FHL5: variants seen among roughly 807,000 people sequenced by gnomAD.
FHL5 encodes four and a half LIM domains 5, also known as four and a half LIM domains protein 5.
FHL5 carries 33 observed loss-of-function variants against 32.0 expected under a neutral mutation model. That is an observed-to-expected ratio of 1.03 (90% CI 0.78 to 1.38). The LOEUF (loss-of-function observed/expected upper bound fraction) is 1.38. Ranked by LOEUF, FHL5 falls within the 40% of genes most tolerant of loss-of-function variation. The pLI, the probability that FHL5 is intolerant of heterozygous loss-of-function variation, is 0.00. For missense variants in FHL5, 336 were observed against 343.9 expected (o/e 0.98, Z 0.18); for synonymous variants, 114 against 113.6 (o/e 1.00, Z -0.02).
intron 1 of FHL5, among the ~76,000 whole-genome samples, chr6:96,573,527 AT>A (rs553599471): frequency 0.022 from 2,455 of 112,396 alleles, 26 homozygotes; most frequent in African/African-American, 0.065. Context: ...AAATATTCTA[AT>A]TTTTTTTTTT....
intron 1 of FHL5, among the ~76,000 whole-genome samples, chr6:96,582,115 G>A (rs367548358): frequency 5.3e-5 from 8 of 152,110 alleles, no homozygotes; most frequent in South Asian, 4.1e-4. Context: ...AACTATATTG[G>A]CTCTTCCAGA....
chr6:96,579,640 A>G (rs761812891), intron 1 of FHL5, among the ~76,000 whole-genome samples: 11 of 152,192 alleles, frequency 7.2e-5, no homozygotes, highest in East Asian at 1.9e-4. Context: ...GCCTAATACA[A>G]TGCTAATAAT....
chr6:96,597,503 C>A (rs1463647404), intron 1 of FHL5, among the ~76,000 whole-genome samples: 1 of 152,086 alleles, frequency 6.6e-6, no homozygotes, highest in Non-Finnish European at 1.5e-5. Context: ...TAAATTAATT[C>A]TCATAAGTCT....
intron 5 of FHL5, among the ~76,000 whole-genome samples, chr6:96,615,293 C>A (rs1562067438): frequency 6.6e-6 from 1 of 152,194 alleles, no homozygotes; most frequent in Non-Finnish European, 1.5e-5. Context: ...CTATGCTACA[C>A]TGTATTGTCT....
intron 5 of FHL5, 109 bp from the exon 6 acceptor site, chr6:96,615,500 C>A (rs559477284): frequency 4.9e-6 from 4 of 808,660 alleles, no homozygotes; most frequent in Admixed American, 3.3e-5. Flanking sequence ...TTTGCCTCTG[C>A]GTTGTTTTGC....
At chr6:96,581,046 C>G (rs1024320336) in intron 1 of FHL5, among the ~76,000 whole-genome samples, 1 of 151,914 alleles carries the variant, frequency 6.6e-6, no homozygotes, top group African/African-American at 2.4e-5. Context: ...CTTGATTCTC[C>G]CATATTTTAG....
At chr6:96,580,706 G>T (rs1420434782) in intron 1 of FHL5, among the ~76,000 whole-genome samples, 1 of 152,132 alleles carries the variant, frequency 6.6e-6, no homozygotes, top group Non-Finnish European at 1.5e-5. Context: ...GTTAGTCTTG[G>T]CATAATCTCA....
At chr6:96,584,435 A>ATGTG (rs141920939) in intron 1 of FHL5, among the ~76,000 whole-genome samples, 4,424 of 146,806 alleles carry the variant, frequency 0.03, 65 homozygotes, top group Non-Finnish European at 0.038. Flanking sequence ...CAGGTGGGAT[A>ATGTG]TGTGTGTGTG....
chr6:96,579,558 G>A (rs896991148), intron 1 of FHL5, among the ~76,000 whole-genome samples: 7 of 152,008 alleles, frequency 4.6e-5, no homozygotes, highest in Admixed American at 2.6e-4. Flanking sequence ...TCCAACATAC[G>A]AACTTGCAAG....
At chr6:96,574,953 T>C (rs993717654) in intron 1 of FHL5, among the ~76,000 whole-genome samples, 6 of 152,158 alleles carry the variant, frequency 3.9e-5, no homozygotes, top group Admixed American at 2.0e-4. Context: ...GCTAATAAAC[T>C]TTAAAGAGAA....
At chr6:96,613,734 T>C (rs1771460388) in intron 5 of FHL5, among the ~76,000 whole-genome samples, 1 of 152,252 alleles carries the variant, frequency 6.6e-6, no homozygotes. Context: ...GGCCCTGGCC[T>C]GTGCTTAAAT....
At chr6:96,608,303 T>A (rs773867471) in intron 4 of FHL5, among the ~76,000 whole-genome samples, 17 of 152,214 alleles carry the variant, frequency 1.1e-4, no homozygotes, top group Non-Finnish European at 2.4e-4. Flanking sequence ...ATTTAGGATA[T>A]GATTTGAAGT....
At chr6:96,565,289 T>G (rs1319145625) in intron 1 of FHL5, among the ~76,000 whole-genome samples, 1 of 152,176 alleles carries the variant, frequency 6.6e-6, no homozygotes, top group Non-Finnish European at 1.5e-5. Context: ...CTAGAGAGTC[T>G]CTTTGAAAAC....
chr6:96,568,963 C>T (rs904865658), intron 1 of FHL5, among the ~76,000 whole-genome samples: 1 of 151,206 alleles, frequency 6.6e-6, no homozygotes, highest in Non-Finnish European at 1.5e-5. Context: ...TTTATGTATG[C>T]TTTTCTTTCT....
In FHL5 at chr6:96,610,737, G is replaced by A. The variant is rs750458525; in HGVS notation, c.670G>A (p.Ala224Thr). The change falls in exon 5 of 6, where the codon GCC becomes ACC. Residue 224 changes from alanine to threonine, a missense_variant. By Grantham distance (58) the Ala-to-Thr change is moderately conservative. Coordinates refer to ENST00000450218, the MANE Select transcript of FHL5 (RefSeq NM_001322466.2). ...YNHLYANKCV[A>T]CSKPISGLTG... ...CCATCTTTATGCCAACAAGTGTGTA[G>A]CCTGTTCCAAACCCATTAGTGGTGA... The A allele has an allele frequency of 1.9e-6, 3 of 1,613,166 alleles. No individual in the cohort carries two copies. Among genetic ancestry groups the A allele is most frequent in the African/African-American group, 1.3e-5 (1 of 74,916 alleles).
intron 5 of FHL5, among the ~76,000 whole-genome samples, chr6:96,615,156 G>T (rs1360979844): frequency 6.6e-6 from 1 of 152,122 alleles, no homozygotes; most frequent in Non-Finnish European, 1.5e-5. Context: ...CATCAAACTA[G>T]GAAGCATACA....
At chr6:96,566,884 T>C (rs1431494558) in intron 1 of FHL5, among the ~76,000 whole-genome samples, 1 of 152,024 alleles carries the variant, frequency 6.6e-6, no homozygotes, top group Non-Finnish European at 1.5e-5. Context: ...ATTATGAATA[T>C]TAAACTCTTG....
chr6:96,573,168 C>T lies in FHL5; in HGVS notation c.-13+9813C>T, dbSNP rs558620454. Among the ~76,000 whole-genome samples, 3 of 152,130 alleles carry T rather than the reference C, an allele frequency of 2.0e-5. No individual in the cohort carries two copies. The East Asian group carries it at 5.8e-4, about 29-fold the overall frequency. Reference sequence around the variant, plus strand: ...TCAGTTAGATCAAGCCAATATAAACCTACTGAAAAAGTCAAGGTGTTCAAT... The same window carrying T: ...TCAGTTAGATCAAGCCAATATAAACTTACTGAAAAAGTCAAGGTGTTCAAT... On this transcript the variant is annotated intron_variant, in intron 1 of 5. Transcript: ENST00000450218.
At chr6:96,562,893 T>C (rs549637830), upstream of FHL5, among the ~76,000 whole-genome samples, 48 of 152,150 alleles carry the variant, frequency 3.2e-4, no homozygotes, top group African/African-American at 1.1e-3. Flanking sequence ...AAACAGAAAA[T>C]ACATCATCCT....
Sources: allele counts gnomAD v4.1 joint callset (sites outside exome capture counted in the v4.1 genomes callset), GRCh38; gene constraint gnomAD v4.1.1; transcripts MANE v1.5; gene names NCBI Gene and HGNC (gene_info 2026-07-23, HGNC 2026-07-21).